The following CFAP251 variants were observed in gnomAD, a reference collection of about 807,000 sequenced individuals.
CFAP251 encodes the protein cilia and flagella associated protein 251.
In CFAP251, 93 loss-of-function variants were observed where a neutral mutation model predicts 126.7. The ratio of observed to expected loss-of-function variants is 0.73; its 90% CI spans 0.62 to 0.87. CFAP251 has a LOEUF of 0.87. Ranked by LOEUF, CFAP251 falls within the 40% of genes least tolerant of loss-of-function variation. The probability of loss-of-function intolerance (pLI) is 0.00; values close to 1 mark genes in which losing one functional copy is unlikely to be tolerated. For synonymous variants in CFAP251, 503 were observed against 506.9 expected (o/e 0.99, Z 0.10); for missense variants, 1,287 against 1,389.2 (o/e 0.93, Z 1.17).
At chr12:121,995,512 C>CT (rs919467553) in intron 19 of CFAP251, among the ~76,000 whole-genome samples, 143 of 147,934 alleles carry the variant, frequency 9.7e-4, no homozygotes, top group African/African-American at 2.7e-3. Context: ...GGAATCTTGC[C>CT]TTTTTTTTTT....
chr12:121,981,005 T>C (rs960231025), intron 19 of CFAP251, among the ~76,000 whole-genome samples: 1 of 152,212 alleles, frequency 6.6e-6, no homozygotes, highest in African/African-American at 2.4e-5. Flanking sequence ...CGAGGGTCTG[T>C]GCGGTGCCCA....
At chr12:121,929,533 T>C (rs1298984391) in intron 3 of CFAP251, among the ~76,000 whole-genome samples, 6 of 152,006 alleles carry the variant, frequency 3.9e-5, no homozygotes, top group African/African-American at 1.5e-4. Flanking sequence ...GGTCATTCTG[T>C]GTGTCATGCT....
rs770410710 is a variant in CFAP251 at position 121,984,226 on chromosome 12, C to T, written c.3006+8541C>T. On this transcript the variant is annotated intron_variant, in intron 19 of 21. Transcript: ENST00000288912. ...AGAATTCCTAGCCATTCCCTTCTTTCGCAGAAAGCTGTGCTCAGGAGCAAA... is the reference window on the plus strand; with the variant it reads ...AGAATTCCTAGCCATTCCCTTCTTTTGCAGAAAGCTGTGCTCAGGAGCAAA... Among the ~76,000 whole-genome samples, 5 of 152,184 alleles carry T rather than the reference C, an allele frequency of 3.3e-5. No homozygotes were observed. In the East Asian group the frequency reaches 5.8e-4, roughly 18 times the overall value.
chr12:121,943,922 T>C (rs760041960), intron 7 of CFAP251, among the ~76,000 whole-genome samples: 3 of 152,216 alleles, frequency 2.0e-5, no homozygotes, highest in Non-Finnish European at 4.4e-5. Flanking sequence ...ATAATTTGTC[T>C]AAAATCACCC....
intron 10 of CFAP251, chr12:121,955,939 C>T (rs1881713258): frequency 1.3e-5 from 2 of 152,168 alleles, no homozygotes; most frequent in Non-Finnish European, 2.9e-5. Context: ...CTGCTTCTGT[C>T]CAGCAGAGGG....
intron 15 of CFAP251, among the ~76,000 whole-genome samples, chr12:121,963,502 G>T (rs923167450): frequency 6.6e-6 from 1 of 151,382 alleles, no homozygotes; most frequent in African/African-American, 2.4e-5. Flanking sequence ...AGACGGGGAG[G>T]ACACCAGCCG....
intron 21 of CFAP251, among the ~76,000 whole-genome samples, chr12:122,002,412 T>C (rs2135822322): frequency 6.6e-6 from 1 of 152,236 alleles, no homozygotes; most frequent in Non-Finnish European, 1.5e-5. Flanking sequence ...TAGCGGTGTA[T>C]GCTTTTAGTC....
chr12:121,969,755 A>T (rs1882271733), intron 17 of CFAP251: 9 of 984,912 alleles, frequency 9.1e-6, no homozygotes, highest in Non-Finnish European at 1.1e-5. Flanking sequence ...GGGATTACAG[A>T]TGTGAGCCAC....
At chr12:121,995,841 G>A (rs998040146) in intron 19 of CFAP251, among the ~76,000 whole-genome samples, 4 of 152,108 alleles carry the variant, frequency 2.6e-5, no homozygotes, top group African/African-American at 9.7e-5. Context: ...TGATTACTTA[G>A]ATACAGCGTT....
At chr12:121,975,432 T>C (rs924744916) in intron 18 of CFAP251, 98 bp downstream of exon 18, 1 of 1,567,352 alleles carries the variant, frequency 6.4e-7, no homozygotes, top group Admixed American at 1.8e-5. Context: ...AAAGCTTTGT[T>C]CCCCCATTCA....
In CFAP251 at chr12:121,989,936, C is replaced by T. The variant is rs181251850; in HGVS notation, c.3007-9780C>T. ...GAGGCTGACAGCAGGGATCACAGAC[C>T]CAAAGGCCTGCGTCATCAATGACAG... On this transcript the variant is annotated intron_variant, in intron 19 of 21. Coordinates refer to ENST00000288912, the MANE Select transcript of CFAP251 (RefSeq NM_144668.6). This position sits in a 1 kb window ranked among gnomAD's most constrained non-coding sequence, Gnocchi z 4.2. 1.3e-5 allele frequency among the ~76,000 whole-genome samples: 2 copies of T among 152,038 alleles called. No individual in the cohort carries two copies. The highest frequency in any genetic ancestry group is 1.3e-4 in the Admixed American group (2 of 15,276).
At chr12:121,931,532 C>G (rs939886648) in intron 3 of CFAP251, among the ~76,000 whole-genome samples, 1 of 151,896 alleles carries the variant, frequency 6.6e-6, no homozygotes, top group Non-Finnish European at 1.5e-5. Context: ...AGGTTGGTCT[C>G]GAACTCCCGA....
At chr12:121,986,473 T>G (rs1467321009) in intron 19 of CFAP251, among the ~76,000 whole-genome samples, 1 of 150,534 alleles carries the variant, frequency 6.6e-6, no homozygotes, top group Non-Finnish European at 1.5e-5. Flanking sequence ...AATTTTTTTT[T>G]TGTATTTTTA....
intron 17 of CFAP251, chr12:121,969,104 G>A: frequency 2.0e-6 from 2 of 985,380 alleles, no homozygotes; most frequent in Non-Finnish European, 2.4e-6. Context: ...ACAGCTCAGA[G>A]GCACCTTCCT....
In CFAP251 at chr12:121,943,071, T is replaced by A. The variant is rs1315264408; in HGVS notation, c.1191+96T>A. 4 of 1,340,540 alleles carry A rather than the reference T, an allele frequency of 3.0e-6. No individual in the cohort carries two copies. The African/African-American group carries it at 5.8e-5, about 19-fold the overall frequency. The allele number at this position is 1,340,540 out of a possible 1,614,324, so 83.0% of individuals were successfully genotyped here. A position where few individuals can be genotyped will look rare whatever the true frequency, so the allele number is the denominator to read the frequency against. On this transcript the variant is annotated intron_variant, in intron 7 of 21. Coordinates refer to ENST00000288912, the MANE Select transcript of CFAP251 (RefSeq NM_144668.6). ...GCTCACACCTGTAATCCCAGAACTT[T>A]GGGAGGCTGAGGTAGGTTATCACTT...
intron 19 of CFAP251, among the ~76,000 whole-genome samples, chr12:121,995,848 C>T (rs1432575549): frequency 6.6e-6 from 1 of 151,802 alleles, no homozygotes; most frequent in Non-Finnish European, 1.5e-5. Flanking sequence ...TTAGATACAG[C>T]GTTAAAGGAA....
At chr12:121,963,173 G>A (rs992368776) in intron 15 of CFAP251, among the ~76,000 whole-genome samples, 7 of 152,174 alleles carry the variant, frequency 4.6e-5, no homozygotes, top group Non-Finnish European at 7.3e-5. Flanking sequence ...AGCTGATGGC[G>A]GCTTGGCCCT....
chr12:121,931,640 C>T, intron 3 of CFAP251, 106 bp from the exon 4 acceptor site: 1 of 1,170,210 alleles, frequency 8.5e-7, no homozygotes, highest in East Asian at 2.9e-5. Flanking sequence ...GGTTCCTCTT[C>T]ACTGAACTGT....
At chr12:121,924,234 C>T (rs1363812281) in intron 3 of CFAP251, among the ~76,000 whole-genome samples, 2 of 151,724 alleles carry the variant, frequency 1.3e-5, no homozygotes, top group African/African-American at 2.4e-5. Context: ...CTCAGTCTCC[C>T]GAGTAGCTAG....
Sources: allele counts gnomAD v4.1 joint callset (sites outside exome capture counted in the v4.1 genomes callset), GRCh38; gene constraint gnomAD v4.1.1; non-coding constraint Gnocchi (gnomAD v3.1); transcripts MANE v1.5; gene names NCBI Gene and HGNC (gene_info 2026-07-23, HGNC 2026-07-21).